Variants in CD200R1 observed in about 807,000 individuals in gnomAD.
The protein encoded by CD200R1 is CD200 receptor 1.
A neutral mutation model predicts 38.1 loss-of-function variants in CD200R1; 30 were observed. That is an observed-to-expected ratio of 0.79 (90% confidence interval 0.59 to 1.07). CD200R1 has a LOEUF of 1.07. Ranked by LOEUF, CD200R1 falls within the 50% of genes least tolerant of loss-of-function variation. The pLI is 0.00. For missense variants in CD200R1, 372 were observed against 415.4 expected (o/e 0.90, Z 0.91); for synonymous variants, 128 against 152.1 (o/e 0.84, Z 1.16).
chr3:112,953,389 AC>A (rs749711796), intron 1 of CD200R1, among the ~76,000 whole-genome samples: 38 of 152,132 alleles, frequency 2.5e-4, no homozygotes, highest in Non-Finnish European at 2.8e-4. Context: ...ATTTATGTTT[AC>A]CAGGGATATT....
intron 2 of CD200R1, among the ~76,000 whole-genome samples, chr3:112,942,594 C>T (rs1352930461): frequency 1.3e-5 from 2 of 151,510 alleles, no homozygotes; most frequent in African/African-American, 2.4e-5. Context: ...ACAGTAACAA[C>T]TGTGGTAGAT....
At chr3:112,973,167 G>T (rs1179815290) in intron 1 of CD200R1, among the ~76,000 whole-genome samples, 6 of 152,110 alleles carry the variant, frequency 3.9e-5, no homozygotes, top group African/African-American at 1.4e-4. Flanking sequence ...GAGTAACAGT[G>T]CAATTTGACA....
intron 3 of CD200R1, among the ~76,000 whole-genome samples, chr3:112,930,813 C>T (rs768912006): frequency 6.6e-6 from 1 of 152,158 alleles, no homozygotes; most frequent in Non-Finnish European, 1.5e-5. Context: ...TTAATAAGTA[C>T]ATAACTAGAT....
chr3:112,931,424 T>C (rs1940435419), intron 2 of CD200R1, among the ~76,000 whole-genome samples: 1 of 152,188 alleles, frequency 6.6e-6, no homozygotes, highest in African/African-American at 2.4e-5. Context: ...TTGAAATATT[T>C]TGAAAAAGAT....
Position 112,925,195 on chromosome 3 carries a change from T to A in CD200R1, c.770-2A>T. 1 of 1,369,950 alleles carries A rather than the reference T, an allele frequency of 7.3e-7. No individual in the cohort carries two copies. The highest frequency in any genetic ancestry group is 1.0e-6 in the Non-Finnish European group (1 of 961,228). 84.9% of individuals were successfully genotyped at this position (1,369,950 alleles called of 1,614,324 possible). ...TTGCTGATTTTTTGGCACCTGGAAC[T>A]ATAGACACAAAAATATATGGTTCAA... is the stretch of plus-strand genomic sequence containing the variant. On this transcript the variant is annotated splice_acceptor_variant, in intron 5 of 7. Coordinates refer to ENST00000308611, the MANE Select transcript of CD200R1 (RefSeq NM_138806.4). LOFTEE classifies it high-confidence loss of function.
chr3:112,971,331 T>C (rs988299270), intron 1 of CD200R1, among the ~76,000 whole-genome samples: 1 of 152,202 alleles, frequency 6.6e-6, no homozygotes, highest in Non-Finnish European at 1.5e-5. Flanking sequence ...AAATCATCTA[T>C]TTTTTCCCTT....
chr3:112,922,225 A>G lies in CD200R1; in HGVS notation c.*1452T>C, dbSNP rs1164848764. On this transcript the variant is annotated 3_prime_UTR_variant, in exon 8 of 8. Coordinates refer to ENST00000308611, the MANE Select transcript of CD200R1 (RefSeq NM_138806.4). Reference sequence around the variant, plus strand: ...AGCTGTCTTAAAAATCTCAGATGGTATGATTGAAGAATGAATATATTTTGT... The same window carrying G: ...AGCTGTCTTAAAAATCTCAGATGGTGTGATTGAAGAATGAATATATTTTGT... 2.6e-5 allele frequency: 4 copies of G among 152,040 alleles called. No homozygotes were observed. The East Asian group carries it at 7.7e-4, about 29-fold the overall frequency. 9.4% of individuals were successfully genotyped at this position (152,040 alleles called of 1,614,324 possible). A position where few individuals can be genotyped will look rare whatever the true frequency, so the allele number is the denominator to read the frequency against.
intron 1 of CD200R1, among the ~76,000 whole-genome samples, chr3:112,962,043 T>A (rs1559956413): frequency 1.3e-5 from 2 of 152,170 alleles, no homozygotes; most frequent in Admixed American, 1.3e-4. Flanking sequence ...AAGGACAAAA[T>A]TTAGAAAGCA....
In CD200R1 at chr3:112,936,830, T is replaced by G. The variant is rs1940595132; in HGVS notation, c.137-5659A>C. On this transcript the variant is annotated intron_variant, in intron 2 of 7. Coordinates refer to ENST00000308611, the MANE Select transcript of CD200R1 (RefSeq NM_138806.4). ...TCAGATCCCATTTGTCAATTTTTGT[T>G]TTTGTTGAAGTTGCTTTTGGCATCT... Among the ~76,000 whole-genome samples, 3 of 152,208 alleles carry G rather than the reference T, an allele frequency of 2.0e-5. No homozygotes were observed. The South Asian group carries it at 6.2e-4, about 31-fold the overall frequency.
At chr3:112,936,241 G>A (rs891969258) in intron 2 of CD200R1, among the ~76,000 whole-genome samples, 2 of 152,132 alleles carry the variant, frequency 1.3e-5, no homozygotes, top group African/African-American at 2.4e-5. Context: ...CTTTGCTATT[G>A]TGAATAGTGC....
chr3:112,944,902 T>C (rs958984658), intron 2 of CD200R1, among the ~76,000 whole-genome samples: 4 of 152,158 alleles, frequency 2.6e-5, no homozygotes, highest in Non-Finnish European at 1.5e-5. Context: ...TCAATGTTTG[T>C]ATGACAATTT....
chr3:112,935,038 G>A lies in CD200R1; in HGVS notation c.137-3867C>T, dbSNP rs149750427. Among the ~76,000 whole-genome samples the A allele has an allele frequency of 3.3e-3, 506 of 152,196 alleles. 3 individuals carry two copies. The highest frequency in any genetic ancestry group is 4.8e-3 in the Non-Finnish European group (324 of 68,010). On this transcript the variant is annotated intron_variant, in intron 2 of 7. Coordinates refer to ENST00000308611, the MANE Select transcript of CD200R1 (RefSeq NM_138806.4). ...AATAAAGGAATTTATTCAGCAAGAC[G>A]ACATAACAATTGGAAATATATATGG...
chr3:112,974,754 G>A, intron 1 of CD200R1, 37 bp downstream of exon 1: 1 of 1,337,342 alleles, frequency 7.5e-7, no homozygotes, highest in South Asian at 1.2e-5. Context: ...CTGAGACCAG[G>A]TTTCTCACTG....
intron 2 of CD200R1, among the ~76,000 whole-genome samples, chr3:112,942,091 A>T (rs981756712): frequency 6.6e-6 from 1 of 151,694 alleles, no homozygotes; most frequent in Admixed American, 6.6e-5. Context: ...GTTGAGAGAA[A>T]TTTTTTTAGA....
At chr3:112,952,300 A>G (rs1430933428) in intron 1 of CD200R1, among the ~76,000 whole-genome samples, 3 of 152,158 alleles carry the variant, frequency 2.0e-5, no homozygotes, top group South Asian at 4.1e-4. Flanking sequence ...GTTCACTGTT[A>G]GTGTATAGAA....
chr3:112,955,928 T>C (rs982647449), intron 1 of CD200R1, among the ~76,000 whole-genome samples: 3 of 152,106 alleles, frequency 2.0e-5, no homozygotes, highest in African/African-American at 7.2e-5. Context: ...TTTGCTGCCT[T>C]CAGGATCCTC....
intron 2 of CD200R1, among the ~76,000 whole-genome samples, chr3:112,947,501 GCAAA>G (rs1306912668): frequency 9.2e-5 from 14 of 152,174 alleles, no homozygotes; most frequent in Admixed American, 9.1e-4. Context: ...AATTAAAATG[GCAAA>G]CAAAAATTTT....
chr3:112,923,989 C>A (rs1289089740), intron 7 of CD200R1, among the ~76,000 whole-genome samples, 190 bp from the exon 8 acceptor site: 1 of 151,822 alleles, frequency 6.6e-6, no homozygotes, highest in East Asian at 1.9e-4. Context: ...TATTTGTTAA[C>A]TACATAAGTC....
At chr3:112,974,621 G>T (rs1933396021) in intron 1 of CD200R1, among the ~76,000 whole-genome samples, 170 bp downstream of exon 1, 1 of 151,852 alleles carries the variant, frequency 6.6e-6, no homozygotes, top group South Asian at 2.1e-4. Flanking sequence ...CAAGACACCG[G>T]AAAAAAGGAT....
Sources: allele counts gnomAD v4.1 joint callset (sites outside exome capture counted in the v4.1 genomes callset), GRCh38; gene constraint gnomAD v4.1.1; transcripts MANE v1.5; gene names NCBI Gene and HGNC (gene_info 2026-07-23, HGNC 2026-07-21).